The following ANK2 variants were observed in gnomAD, a reference collection of about 807,000 sequenced individuals.
ANK2 encodes the protein ankyrin 2, also known as ankyrin-2.
ANK2 carries 83 observed loss-of-function variants against 360.5 expected under a neutral mutation model. The observed-to-expected ratio is 0.23, with a 90% confidence interval of 0.19 to 0.28. The LOEUF (loss-of-function observed/expected upper bound fraction) is 0.28. Ranked by LOEUF, ANK2 falls within the 10% of genes least tolerant of loss-of-function variation. ANK2 has a pLI of 1.00. For synonymous variants in ANK2, 1,740 were observed against 1,759.5 expected (o/e 0.99, Z 0.28); for missense variants, 4,201 against 4,795.7 (o/e 0.88, Z 3.66).
chr4:113,154,706 T>C (rs2154398231), intron 1 of ANK2, among the ~76,000 whole-genome samples: 2 of 152,378 alleles, frequency 1.3e-5, no homozygotes, highest in South Asian at 4.1e-4. Flanking sequence ...CTACATGTTC[T>C]TTATTCTTGT....
the ANK2 span, among the ~76,000 whole-genome samples, chr4:112,721,055 AC>A: frequency 2.6e-4 from 40 of 151,992 alleles, no homozygotes; most frequent in African/African-American, 9.7e-4. Flanking sequence ...TAATCCCAGA[AC>A]CCCCAAGGTT....
chr4:113,250,949 G>A (rs2046004945), intron 10 of ANK2, among the ~76,000 whole-genome samples: 1 of 152,128 alleles, frequency 6.6e-6, no homozygotes, highest in Admixed American at 6.5e-5. Context: ...TGCCATAAAA[G>A]AGTGGCTTCA....
At chr4:113,048,477 G>A (rs1474343701), upstream of ANK2, among the ~76,000 whole-genome samples, 19 of 141,804 alleles carry the variant, frequency 1.3e-4, no homozygotes, top group South Asian at 2.9e-3. Flanking sequence ...GTTTCATCAC[G>A]TTGGCCAGGC....
At chr4:113,302,986 AC>A in intron 23 of ANK2, 147 bp downstream of exon 23, 1 of 763,376 alleles carries the variant, frequency 1.3e-6, no homozygotes, top group Non-Finnish European at 2.2e-6. Context: ...CAATACATTT[AC>A]TTTTGCCATG....
chr4:112,904,541 T>G, intron 2 of ANK2: 1 of 1,442,630 alleles, frequency 6.9e-7, no homozygotes, highest in Non-Finnish European at 9.4e-7. Context: ...AAATATTACT[T>G]TAAAGGAATC....
At chr4:112,998,889 T>C (rs1020811974) in intron 2 of ANK2, among the ~76,000 whole-genome samples, 4 of 152,198 alleles carry the variant, frequency 2.6e-5, no homozygotes, top group African/African-American at 9.6e-5. Flanking sequence ...TTTGGAGAAG[T>C]CTTTCTGTAT....
chr4:113,359,150 T>C lies in ANK2; in HGVS notation c.10532T>C (p.Leu3511Pro). 1 of 1,613,738 alleles carries C rather than the reference T, an allele frequency of 6.2e-7. No homozygotes were observed. The highest frequency in any genetic ancestry group is 8.5e-7 in the Non-Finnish European group (1 of 1,179,682). Residue 3511 changes from leucine to proline, a missense_variant, in exon 38 of 46, where the codon CTG becomes CCG. Physicochemically the swap from Leu to Pro is moderately conservative, Grantham distance 98. Around this residue, in one of 4 missense-constraint regions of ANK2, gnomAD observed 2,642 missense variants for 2,714.5 expected, o/e 0.97. Transcript: ENST00000357077. ...IVSDDESSSA[L>P]EVSVIENLPP... is the part of the protein sequence containing the mutation. The stretch of plus-strand genomic sequence containing the variant: ...TCAGACGATGAAAGTAGTAGTGCCC[T>C]GGAAGTATCAGTAATTGAAAATCTG...
chr4:113,089,437 A>G (rs2086598615), intron 1 of ANK2, among the ~76,000 whole-genome samples: 2 of 152,222 alleles, frequency 1.3e-5, no homozygotes, highest in Admixed American at 1.3e-4. Flanking sequence ...AGATGCTTTG[A>G]AAACCTATAA....
chr4:113,349,213 GTGTT>G (rs1350588805), intron 36 of ANK2, among the ~76,000 whole-genome samples: 4 of 152,008 alleles, frequency 2.6e-5, no homozygotes, highest in Non-Finnish European at 4.4e-5. Flanking sequence ...AAGCAAATGT[GTGTT>G]TGTCTCCGTT....
chr4:112,968,799 A>G (rs2038333184), intron 2 of ANK2, among the ~76,000 whole-genome samples: 1 of 152,220 alleles, frequency 6.6e-6, no homozygotes, highest in Non-Finnish European at 1.5e-5. Context: ...TGGAGAATTT[A>G]ATATTTTTAC....
chr4:113,323,573 C>A (rs1325348542), intron 26 of ANK2, among the ~76,000 whole-genome samples: 4 of 152,174 alleles, frequency 2.6e-5, no homozygotes, highest in Non-Finnish European at 5.9e-5. Flanking sequence ...ATCCCCAGTT[C>A]TCTAAACTGG....
intron 1 of ANK2, among the ~76,000 whole-genome samples, chr4:113,134,102 C>T (rs1333747994): frequency 6.6e-6 from 1 of 151,844 alleles, no homozygotes; most frequent in Non-Finnish European, 1.5e-5. Context: ...CTAGCACCTC[C>T]AATGATCAAA....
chr4:113,092,232 T>C (rs772505577), intron 1 of ANK2, among the ~76,000 whole-genome samples: 1 of 152,194 alleles, frequency 6.6e-6, no homozygotes, highest in Non-Finnish European at 1.5e-5. Flanking sequence ...GGCCACAGAA[T>C]TGCAATCCAT....
intron 1 of ANK2, among the ~76,000 whole-genome samples, chr4:113,164,133 C>T (rs888267268): frequency 6.6e-6 from 1 of 152,116 alleles, no homozygotes; most frequent in Non-Finnish European, 1.5e-5. Context: ...GGTGCGGTGG[C>T]TCACACCTGT....
chr4:112,958,345 A>G (rs2032251721), intron 2 of ANK2, among the ~76,000 whole-genome samples: 1 of 152,184 alleles, frequency 6.6e-6, no homozygotes. Flanking sequence ...CAATCCCGGC[A>G]CCTCGGGAGG....
intron 2 of ANK2, among the ~76,000 whole-genome samples, chr4:112,966,556 T>C (rs1197605984): frequency 6.6e-6 from 1 of 152,110 alleles, no homozygotes; most frequent in East Asian, 1.9e-4. Context: ...TTCTTCACGT[T>C]TGTAACTGTT....
At chr4:113,108,045 C>T (rs1482097810) in intron 1 of ANK2, among the ~76,000 whole-genome samples, 1 of 152,194 alleles carries the variant, frequency 6.6e-6, no homozygotes, top group Non-Finnish European at 1.5e-5. Context: ...GTAAGTTGGA[C>T]ATTCGTTTAC....
At chr4:113,300,269 C>T (rs1048893031) in intron 22 of ANK2, among the ~76,000 whole-genome samples, 3 of 152,156 alleles carry the variant, frequency 2.0e-5, no homozygotes, top group Non-Finnish European at 2.9e-5. Context: ...ATTTACAACC[C>T]TTGCCTCCAA....
intron 2 of ANK2, among the ~76,000 whole-genome samples, chr4:113,026,093 A>T (rs2059237677): frequency 6.6e-6 from 1 of 152,130 alleles, no homozygotes; most frequent in Non-Finnish European, 1.5e-5. Flanking sequence ...TTCCCTCTTT[A>T]CTATAAGGAA....
Sources: allele counts gnomAD v4.1 joint callset (sites outside exome capture counted in the v4.1 genomes callset), GRCh38; gene constraint gnomAD v4.1.1; regional missense constraint gnomAD v4.1.1; transcripts MANE v1.5; gene names NCBI Gene and HGNC (gene_info 2026-07-23, HGNC 2026-07-21).